The following MCTP1 variants were observed in gnomAD, a reference collection of about 807,000 sequenced individuals.
MCTP1 encodes multiple C2 and transmembrane domain containing 1.
MCTP1 carries 69 observed loss-of-function variants against 120.6 expected under a neutral mutation model. That is an observed-to-expected ratio of 0.57 (90% CI 0.47 to 0.70). MCTP1 has a LOEUF of 0.70. MCTP1 is among the 30% of genes least tolerant of loss of function. The probability of loss-of-function intolerance (pLI) is 0.00; values close to 1 mark genes in which losing one functional copy is unlikely to be tolerated. For missense variants in MCTP1, 1,203 were observed against 1,248.8 expected (o/e 0.96, Z 0.55); for synonymous variants, 529 against 493.1 (o/e 1.07, Z -0.96).
intron 17 of MCTP1, among the ~76,000 whole-genome samples, chr5:94,859,144 CTG>C (rs1294464308): frequency 2.6e-5 from 4 of 151,642 alleles, no homozygotes; most frequent in African/African-American, 9.7e-5. Flanking sequence ...GTCTGATACT[CTG>C]AGAATTAAAA....
At chr5:95,043,747 A>G (rs1264096533) in intron 1 of MCTP1, among the ~76,000 whole-genome samples, 1 of 152,152 alleles carries the variant, frequency 6.6e-6, no homozygotes, top group Non-Finnish European at 1.5e-5. Flanking sequence ...CATATTCTCA[A>G]CTCATTTTTA....
At chr5:95,230,238 G>GTA (rs1276236967) in intron 1 of MCTP1, among the ~76,000 whole-genome samples, 2 of 123,288 alleles carry the variant, frequency 1.6e-5, no homozygotes, top group South Asian at 2.6e-4. Context: ...ATGTGTGTGT[G>GTA]TATATATATA....
chr5:94,775,221 G>C (rs1342842223), intron 19 of MCTP1, among the ~76,000 whole-genome samples: 1 of 152,176 alleles, frequency 6.6e-6, no homozygotes, highest in East Asian at 1.9e-4. Context: ...TTACTAGAAT[G>C]CCACGCATTT....
chr5:95,026,206 A>G (rs969549275), intron 1 of MCTP1, among the ~76,000 whole-genome samples: 1 of 152,026 alleles, frequency 6.6e-6, no homozygotes, highest in East Asian at 1.9e-4. Flanking sequence ...GTTTCATGAG[A>G]TATTTTGATA....
At chr5:94,922,519 G>A (rs1390392379) in intron 7 of MCTP1, among the ~76,000 whole-genome samples, 1 of 149,408 alleles carries the variant, frequency 6.7e-6, no homozygotes, top group East Asian at 2.0e-4. Context: ...ATGGAGTTTT[G>A]CTCTTTTTGC....
chr5:94,929,779 A>G, intron 6 of MCTP1: 1 of 532,772 alleles, frequency 1.9e-6, no homozygotes, highest in South Asian at 8.2e-5. Flanking sequence ...CTCTTGTAAC[A>G]CTAATATAGA....
chr5:95,147,072 T>C (rs1181655119), intron 1 of MCTP1, among the ~76,000 whole-genome samples: 1 of 151,964 alleles, frequency 6.6e-6, no homozygotes, highest in East Asian at 1.9e-4. Context: ...TGGGTGCTTA[T>C]TTATTTTATT....
At chr5:95,033,080 T>G (rs1346326341) in intron 1 of MCTP1, among the ~76,000 whole-genome samples, 1 of 151,810 alleles carries the variant, frequency 6.6e-6, no homozygotes, top group East Asian at 1.9e-4. Flanking sequence ...AAACAATGAG[T>G]AATGAAATAT....
At chr5:94,814,673 T>C (rs991225358) in intron 17 of MCTP1, among the ~76,000 whole-genome samples, 1 of 149,484 alleles carries the variant, frequency 6.7e-6, no homozygotes, top group Non-Finnish European at 1.5e-5. Context: ...TGGCTGAGAA[T>C]ATGAAAAAAA....
At chr5:95,210,862 C>A (rs1436112666) in intron 1 of MCTP1, among the ~76,000 whole-genome samples, 1 of 152,046 alleles carries the variant, frequency 6.6e-6, no homozygotes, top group Non-Finnish European at 1.5e-5. Context: ...TCTTTTAGGG[C>A]AGGCCTAGTG....
rs896578442 is a variant in MCTP1 at position 95,189,899 on chromosome 5, T to C, written c.720+93957A>G. Among the ~76,000 whole-genome samples the C allele has an allele frequency of 2.0e-5, 3 of 152,140 alleles. No individual in the cohort carries two copies. In the South Asian group the frequency reaches 6.2e-4, roughly 31 times the overall value. ...CATATCCTCCCTTGACTATGCACTTTTGATTACTGAACATTTCCAGAGAAT... is the reference window on the plus strand; with the variant it reads ...CATATCCTCCCTTGACTATGCACTTCTGATTACTGAACATTTCCAGAGAAT... On this transcript the variant is annotated intron_variant, in intron 1 of 22. Transcript: ENST00000515393.
intron 1 of MCTP1, among the ~76,000 whole-genome samples, chr5:95,061,408 G>GTTTTTTTTTTTTTT (rs556663513): frequency 1.8e-4 from 6 of 33,492 alleles, no homozygotes; most frequent in African/African-American, 4.9e-4. Flanking sequence ...CCCCTTAAGG[G>GTTTTTTTTTTTTTT]TTTTTTTTTT....
chr5:94,711,060 T>TATC, intron 20 of MCTP1, 133 bp from the exon 21 acceptor site: 2 of 686,958 alleles, frequency 2.9e-6, no homozygotes, highest in Non-Finnish European at 5.1e-6. Flanking sequence ...TGTAATAGGT[T>TATC]ATCAGAGGAC....
At chr5:95,263,288 T>G (rs146284877) in intron 1 of MCTP1, among the ~76,000 whole-genome samples, 1 of 152,236 alleles carries the variant, frequency 6.6e-6, no homozygotes, top group Non-Finnish European at 1.5e-5. Flanking sequence ...ACAGGGCAGT[T>G]TCCCATTCCC....
At chr5:95,025,553 G>A (rs954541340) in intron 1 of MCTP1, among the ~76,000 whole-genome samples, 8 of 152,186 alleles carry the variant, frequency 5.3e-5, no homozygotes, top group Non-Finnish European at 1.2e-4. Context: ...TCACTTACAG[G>A]AAAGTCAGAA....
At chr5:95,125,193 T>A (rs1369649048) in intron 1 of MCTP1, among the ~76,000 whole-genome samples, 1 of 152,232 alleles carries the variant, frequency 6.6e-6, no homozygotes, top group African/African-American at 2.4e-5. Flanking sequence ...GACTGCTGTA[T>A]CTTCCAATCC....
intron 1 of MCTP1, among the ~76,000 whole-genome samples, chr5:95,065,632 C>G (rs575127226): frequency 6.6e-6 from 1 of 152,228 alleles, no homozygotes; most frequent in East Asian, 1.9e-4. Flanking sequence ...AAGCAATTAA[C>G]AAATATTTGT....
At chr5:94,736,271 T>C (rs1395542363) in intron 19 of MCTP1, among the ~76,000 whole-genome samples, 1 of 152,164 alleles carries the variant, frequency 6.6e-6, no homozygotes, top group Admixed American at 6.5e-5. Flanking sequence ...GGAGGATTGC[T>C]TAAGCTCAGG....
chr5:94,748,705 C>T (rs1227341362), intron 19 of MCTP1, among the ~76,000 whole-genome samples: 1 of 152,190 alleles, frequency 6.6e-6, no homozygotes, highest in African/African-American at 2.4e-5. Flanking sequence ...CTAAGTTTCT[C>T]GATTGTCTCA....
Sources: allele counts gnomAD v4.1 joint callset (sites outside exome capture counted in the v4.1 genomes callset), GRCh38; gene constraint gnomAD v4.1.1; transcripts MANE v1.5; gene names NCBI Gene and HGNC (gene_info 2026-07-23, HGNC 2026-07-21).